Variants in TCF7L1 observed in about 807,000 individuals in gnomAD.
TCF7L1 encodes transcription factor 7 like 1, also known as transcription factor 7-like 1.
In TCF7L1, 18 loss-of-function variants were observed where a neutral mutation model predicts 63.7. That is an observed-to-expected ratio of 0.28 (90% CI 0.20 to 0.42). TCF7L1 has a LOEUF of 0.42. Ranked by LOEUF, TCF7L1 falls within the 10% of genes least tolerant of loss-of-function variation. The pLI is 1.00. For missense variants in TCF7L1, 654 were observed against 779.3 expected (o/e 0.84, Z 1.91); for synonymous variants, 355 against 340.9 (o/e 1.04, Z -0.46).
At chr2:85,302,751 T>A (rs1481925671) in intron 5 of TCF7L1, 135 bp downstream of exon 5, 1 of 1,187,404 alleles carries the variant, frequency 8.4e-7, no homozygotes, top group Admixed American at 2.4e-5. Context: ...TTGGACCTTG[T>A]CTGCTAACTT....
chr2:85,239,298 C>G (rs528090640), intron 3 of TCF7L1, among the ~76,000 whole-genome samples: 115 of 152,286 alleles, frequency 7.6e-4, no homozygotes, highest in East Asian at 9.7e-4. Flanking sequence ...CCCTGCTTCT[C>G]TGCTGCTGTG....
At chr2:85,163,056 A>G (rs750710705) in intron 3 of TCF7L1, among the ~76,000 whole-genome samples, 14 of 152,170 alleles carry the variant, frequency 9.2e-5, no homozygotes, top group Non-Finnish European at 1.9e-4. Flanking sequence ...GATTCTGAGA[A>G]GGAAAGGCCC....
intron 3 of TCF7L1, among the ~76,000 whole-genome samples, chr2:85,142,565 A>G (rs1331466319): frequency 6.6e-6 from 1 of 151,890 alleles, no homozygotes; most frequent in Admixed American, 6.6e-5. Context: ...TTGAAGTGAT[A>G]AGTAACTGGG....
rs750000597 is a variant in TCF7L1 at position 85,309,489 on chromosome 2, A to G, written c.*27A>G. ...CTCCCCCCGACCCCTGCAGGCTGTC[A>G]CATGACTCATTGAGTAGTAATGATT... On this transcript the variant is annotated 3_prime_UTR_variant, in exon 12 of 12. Coordinates refer to ENST00000282111, the MANE Select transcript of TCF7L1 (RefSeq NM_031283.3). The G allele has an allele frequency of 1.3e-5, 20 of 1,514,808 alleles. No individual in the cohort carries two copies. The allele number at this position is 1,514,808 out of a possible 1,614,324, so 93.8% of individuals were successfully genotyped here. A position where few individuals can be genotyped will look rare whatever the true frequency, so the allele number is the denominator to read the frequency against.
chr2:85,150,898 C>T (rs560164046), intron 3 of TCF7L1, among the ~76,000 whole-genome samples: 7 of 152,088 alleles, frequency 4.6e-5, no homozygotes, highest in Non-Finnish European at 1.0e-4. Flanking sequence ...GAAACAATTT[C>T]CACTGTGACA....
intron 3 of TCF7L1, among the ~76,000 whole-genome samples, chr2:85,181,950 G>A (rs1437732329): frequency 3.9e-5 from 6 of 152,148 alleles, no homozygotes; most frequent in Admixed American, 6.5e-5. Flanking sequence ...GGAGGGAGAC[G>A]CAGAACTTTG....
chr2:85,303,853 C>A, intron 5 of TCF7L1, 42 bp from the exon 6 acceptor site: 1 of 1,463,832 alleles, frequency 6.8e-7, no homozygotes, highest in Non-Finnish European at 9.5e-7. Flanking sequence ...GGTGCTCTGG[C>A]AGGGCGAGGG....
In TCF7L1 at chr2:85,141,395, C is replaced by T. The variant is rs868795327; in HGVS notation, c.441+6945C>T. Among the ~76,000 whole-genome samples the T allele has an allele frequency of 1.2e-4, 18 of 152,244 alleles. No individual in the cohort carries two copies. In the South Asian group the frequency reaches 1.7e-3, roughly 14 times the overall value. ...TGCTTCCCAAATAGGATAGCCAAGG[C>T]GCCAAGCTGCAGACTGATCTCAGGT... On this transcript the variant is annotated intron_variant, in intron 3 of 11. Coordinates refer to ENST00000282111, the MANE Select transcript of TCF7L1 (RefSeq NM_031283.3).
intron 3 of TCF7L1, among the ~76,000 whole-genome samples, chr2:85,232,247 G>A (rs910183418): frequency 6.6e-6 from 1 of 152,160 alleles, no homozygotes; most frequent in Non-Finnish European, 1.5e-5. Flanking sequence ...GTTTGTTTTT[G>A]TGATTGTTAT....
At chr2:85,176,691 T>A (rs947534906) in intron 3 of TCF7L1, among the ~76,000 whole-genome samples, 3 of 152,164 alleles carry the variant, frequency 2.0e-5, no homozygotes, top group African/African-American at 7.2e-5. Context: ...TTCTGGCTGC[T>A]ATAACAAAGT....
intron 3 of TCF7L1, among the ~76,000 whole-genome samples, chr2:85,255,359 A>T (rs1000078511): frequency 6.6e-6 from 1 of 152,042 alleles, no homozygotes; most frequent in Non-Finnish European, 1.5e-5. Flanking sequence ...CTGTCTCCCC[A>T]TTCCCTCCCC....
Position 85,134,197 on chromosome 2 carries a change from T to C in TCF7L1, c.313+118T>C. The C allele has an allele frequency of 6.7e-7, 1 of 1,492,470 alleles. No homozygotes were observed. The highest frequency in any genetic ancestry group is 8.9e-7 in the Non-Finnish European group (1 of 1,117,600). The allele number at this position is 1,492,470 out of a possible 1,614,324, so 92.5% of individuals were successfully genotyped here. A position where few individuals can be genotyped will look rare whatever the true frequency, so the allele number is the denominator to read the frequency against. On this transcript the variant is annotated intron_variant, in intron 2 of 11. Coordinates refer to ENST00000282111, the MANE Select transcript of TCF7L1 (RefSeq NM_031283.3). This position sits in a 1 kb window ranked among gnomAD's most constrained non-coding sequence, Gnocchi z 5.0. ...ACGCACCCTTGCCCTCCGCCTTTAT[T>C]GGCGGCAGCCCCCGTGGGGCGCGCG...
chr2:85,264,095 T>C lies in TCF7L1; in HGVS notation c.442-19400T>C, dbSNP rs188859894. ...AAGAGCTTGTAAGGGAGAGACGGCCTCAGCACAGGGCCCATCCAACTGTGG... is the reference window on the plus strand; with the variant it reads ...AAGAGCTTGTAAGGGAGAGACGGCCCCAGCACAGGGCCCATCCAACTGTGG... On this transcript the variant is annotated intron_variant, in intron 3 of 11. Coordinates refer to ENST00000282111, the MANE Select transcript of TCF7L1 (RefSeq NM_031283.3). 1.6e-4 allele frequency among the ~76,000 whole-genome samples: 24 copies of C among 152,296 alleles called. No homozygotes were observed. The East Asian group carries it at 4.4e-3, about 28-fold the overall frequency.
intron 3 of TCF7L1, among the ~76,000 whole-genome samples, chr2:85,251,483 A>G (rs1231190682): frequency 1.3e-5 from 2 of 152,198 alleles, no homozygotes; most frequent in Admixed American, 6.5e-5. Context: ...TGTGATCAGC[A>G]AGGGGAAAGG....
At chr2:85,301,443 T>C (rs767750909) in intron 4 of TCF7L1, among the ~76,000 whole-genome samples, 9 of 152,232 alleles carry the variant, frequency 5.9e-5, no homozygotes, top group Non-Finnish European at 1.0e-4. Flanking sequence ...GTTTTTAAAA[T>C]AAAAAGCCTT....
intron 3 of TCF7L1, among the ~76,000 whole-genome samples, chr2:85,257,159 A>G (rs543326227): frequency 2.0e-5 from 3 of 152,172 alleles, no homozygotes; most frequent in East Asian, 3.9e-4. Flanking sequence ...GGCTACAGTG[A>G]GCTCTGATTG....
intron 3 of TCF7L1, among the ~76,000 whole-genome samples, chr2:85,143,687 T>C (rs1031698617): frequency 2.0e-5 from 3 of 152,212 alleles, no homozygotes; most frequent in East Asian, 1.9e-4. Context: ...CATGTGATTT[T>C]ACACACATGC....
chr2:85,236,465 C>T (rs570335440), intron 3 of TCF7L1, among the ~76,000 whole-genome samples: 1 of 152,252 alleles, frequency 6.6e-6, no homozygotes, highest in Non-Finnish European at 1.5e-5. Context: ...ATGTTTGCAG[C>T]TGGAGGCCTC....
At chr2:85,217,781 A>T (rs557199227) in intron 3 of TCF7L1, among the ~76,000 whole-genome samples, 48 of 152,280 alleles carry the variant, frequency 3.2e-4, no homozygotes, top group African/African-American at 1.0e-3. Context: ...TTTGCATTAT[A>T]CTGACCAGCT....
Sources: gnomAD v4.1 joint callset for allele counts (sites outside exome capture counted in the v4.1 genomes callset) on GRCh38, gnomAD v4.1.1 for gene constraint, Gnocchi (gnomAD v3.1) non-coding constraint, MANE v1.5 for transcripts, NCBI Gene and HGNC (gene_info 2026-07-23, HGNC 2026-07-21) for gene names.